The following KIAA2012 variants were observed in gnomAD, a reference collection of about 807,000 sequenced individuals.
KIAA2012 encodes the protein KIAA2012, also known as uncharacterized protein KIAA2012.
Under a neutral mutation model 150.6 loss-of-function variants are expected in KIAA2012, and 125 were observed. The ratio of observed to expected loss-of-function variants is 0.83; its 90% CI spans 0.72 to 0.96. The LOEUF is 0.96. Ranked by LOEUF, KIAA2012 falls within the 40% of genes least tolerant of loss-of-function variation. The pLI is 0.00. For missense variants in KIAA2012, 1,219 were observed against 1,354.9 expected (o/e 0.90, Z 1.57); for synonymous variants, 462 against 504.7 (o/e 0.92, Z 1.13).
At chr2:202,097,399 C>T in intron 4 of KIAA2012, 36 bp from the exon 5 acceptor site, 7 of 1,547,836 alleles carry the variant, frequency 4.5e-6, no homozygotes, top group Non-Finnish European at 6.1e-6. Flanking sequence ...CGTCCATTTC[C>T]AGGGTGACAA....
At chr2:202,086,384 G>T (rs116471669) in intron 2 of KIAA2012, among the ~76,000 whole-genome samples, 2 of 152,036 alleles carry the variant, frequency 1.3e-5, no homozygotes, top group Middle Eastern at 3.2e-3. Context: ...CCCAGAAAAG[G>T]CCTCTCGTCT....
At chr2:202,111,712 CAT>C (rs1292253753) in intron 10 of KIAA2012, among the ~76,000 whole-genome samples, 1 of 152,046 alleles carries the variant, frequency 6.6e-6, no homozygotes, top group East Asian at 1.9e-4. Context: ...GGCATGGCTG[CAT>C]ATGCACGTGC....
In KIAA2012 at chr2:202,103,062, G is replaced by A. The variant is rs952714865; in HGVS notation, c.1272G>A (p.Val424=). The A allele has an allele frequency of 3.1e-5, 48 of 1,550,386 alleles. 1 individual carries two copies. In the Admixed American group the frequency reaches 7.5e-4, roughly 24 times the overall value. ...EPPTELFILP[V]EIHYHTKQPP... ...CAACAGAGCTCTTCATCTTACCGGT[G>A]GAGATTCATTACCACACCAAACAAC... The change falls in exon 8 of 24, where the codon GTG becomes GTA. Residue 424 remains valine (V), a synonymous_variant. Transcript: ENST00000498697.
intron 13 of KIAA2012, among the ~76,000 whole-genome samples, chr2:202,139,532 T>C (rs1161966503): frequency 6.6e-6 from 1 of 152,150 alleles, no homozygotes; most frequent in African/African-American, 2.4e-5. Context: ...CCTAGCTATC[T>C]CTTCTTCCCC....
chr2:202,190,486 C>G lies in KIAA2012; in HGVS notation c.2804C>G (p.Pro935Arg), dbSNP rs1441854873. 1 of 1,517,274 alleles carries G rather than the reference C, an allele frequency of 6.6e-7. No homozygotes were observed. Among genetic ancestry groups the G allele is most frequent in the South Asian group, 1.3e-5 (1 of 78,960 alleles). 94.0% of individuals were successfully genotyped at this position (1,517,274 alleles called of 1,614,324 possible). The change falls in exon 19 of 24, where the codon CCT (proline) becomes CGT (arginine). Residue 935 changes from proline to arginine, a missense_variant. Pro to Arg is a moderately radical substitution (Grantham distance 103). Coordinates refer to ENST00000498697, the MANE Select transcript of KIAA2012 (RefSeq NM_001277372.4). ...ESKEERRCED[P>R]SKALLTKREQ... is the part of the protein sequence containing the mutation. The stretch of plus-strand genomic sequence containing the variant: ...AAAGAAGAGAGAAGATGTGAGGACC[C>G]TTCCAAGGTAGGGTCTGATGTCCTC...
At chr2:202,077,842 A>G (rs561459562) in intron 2 of KIAA2012, among the ~76,000 whole-genome samples, 1 of 152,298 alleles carries the variant, frequency 6.6e-6, no homozygotes, top group African/African-American at 2.4e-5. Context: ...TTAAAAAGAA[A>G]AGAAAAGGAA....
chr2:202,106,814 G>T (rs1690207931), intron 9 of KIAA2012, among the ~76,000 whole-genome samples: 1 of 152,088 alleles, frequency 6.6e-6, no homozygotes, highest in Non-Finnish European at 1.5e-5. Flanking sequence ...TTTATGTGTT[G>T]GATAGGTTGG....
chr2:202,185,356 TG>T (rs758554270), intron 16 of KIAA2012, among the ~76,000 whole-genome samples: 73 of 152,336 alleles, frequency 4.8e-4, no homozygotes, highest in Non-Finnish European at 8.4e-4. Flanking sequence ...TAGTGGCAGC[TG>T]GCGTGGCCTC....
intron 11 of KIAA2012, chr2:202,116,465 C>CTTTTTTTTTTTTTTTTT (rs746305557): frequency 1.7e-5 from 1 of 57,986 alleles, no homozygotes; most frequent in Non-Finnish European, 2.8e-5. Context: ...CCATGCCCGG[C>CTTTTTTTTTTTTTTTTT]TTTTTTTTTT....
At chr2:202,198,449 A>C (rs574685996) in intron 22 of KIAA2012, among the ~76,000 whole-genome samples, 31 of 152,332 alleles carry the variant, frequency 2.0e-4, no homozygotes, top group African/African-American at 7.5e-4. Flanking sequence ...AGATGAAGTT[A>C]GGGATGTGGC....
At chr2:202,102,163 C>G (rs189802693) in intron 7 of KIAA2012, among the ~76,000 whole-genome samples, 1 of 149,326 alleles carries the variant, frequency 6.7e-6, no homozygotes, top group East Asian at 1.9e-4. Context: ...CAGTGAATCT[C>G]TCATACACAC....
chr2:202,123,689 A>C (rs965503840), intron 11 of KIAA2012, among the ~76,000 whole-genome samples: 1 of 152,192 alleles, frequency 6.6e-6, no homozygotes, highest in Admixed American at 6.5e-5. Flanking sequence ...GATGAAGCAA[A>C]AAATAAATAA....
intron 15 of KIAA2012, among the ~76,000 whole-genome samples, chr2:202,177,259 G>A (rs1420135407): frequency 6.6e-6 from 1 of 151,990 alleles, no homozygotes. Context: ...ACTATATATT[G>A]TTTACATGTG....
At chr2:202,079,310 A>G (rs1689391125) in intron 2 of KIAA2012, among the ~76,000 whole-genome samples, 1 of 152,164 alleles carries the variant, frequency 6.6e-6, no homozygotes, top group Non-Finnish European at 1.5e-5. Flanking sequence ...TTGTCCAAAT[A>G]GGATAGTTCA....
intron 22 of KIAA2012, chr2:202,201,785 G>GGGTAGAGCCTGAGAAAGATGCAA: frequency 7.7e-7 from 1 of 1,301,866 alleles, no homozygotes; most frequent in Middle Eastern, 1.8e-4. Flanking sequence ...CATCAGTATA[G>GGGTAGAGCCTGAGAAAGATGCAA]GGTAGAGCCT....
chr2:202,168,797 G>A (rs1480611253), intron 15 of KIAA2012, among the ~76,000 whole-genome samples: 1 of 152,140 alleles, frequency 6.6e-6, no homozygotes, highest in Non-Finnish European at 1.5e-5. Context: ...CCCTGCATGA[G>A]GTGCAGGGGG....
chr2:202,184,368 A>G (rs1399424852), intron 15 of KIAA2012, among the ~76,000 whole-genome samples: 1 of 145,806 alleles, frequency 6.9e-6, no homozygotes, highest in African/African-American at 2.6e-5. Flanking sequence ...TGGTCAACAG[A>G]GCAAGACTCC....
At chr2:202,095,909 C>G (rs1416608629) in intron 4 of KIAA2012, among the ~76,000 whole-genome samples, 1 of 152,102 alleles carries the variant, frequency 6.6e-6, no homozygotes, top group Non-Finnish European at 1.5e-5. Context: ...CATGGTGAAA[C>G]CCCGTCTCTA....
chr2:202,194,501 G>A (rs1692378197), intron 21 of KIAA2012, 139 bp downstream of exon 21: 2 of 657,372 alleles, frequency 3.0e-6, no homozygotes, highest in South Asian at 3.4e-5. Flanking sequence ...ATTTTTCAAA[G>A]TGATTATGTA....
Sources: allele counts gnomAD v4.1 joint callset (sites outside exome capture counted in the v4.1 genomes callset), GRCh38; gene constraint gnomAD v4.1.1; transcripts MANE v1.5; gene names NCBI Gene and HGNC (gene_info 2026-07-23, HGNC 2026-07-21).